HDAC9: variants seen among roughly 807,000 people sequenced by gnomAD.
HDAC9 encodes histone deacetylase 9.
A neutral mutation model predicts 139.4 loss-of-function variants in HDAC9; 41 were observed. The observed-to-expected ratio is 0.29, with a 90% confidence interval of 0.23 to 0.38. The LOEUF (loss-of-function observed/expected upper bound fraction) is 0.38. Ranked by LOEUF, HDAC9 falls within the 10% of genes least tolerant of loss-of-function variation. The pLI is 1.00. For missense variants in HDAC9, 1,147 were observed against 1,297.0 expected (o/e 0.88, Z 1.78); for synonymous variants, 517 against 476.2 (o/e 1.09, Z -1.12).
intron 1 of HDAC9, among the ~76,000 whole-genome samples, chr7:18,472,413 C>T (rs1178353792): frequency 6.6e-6 from 1 of 152,054 alleles, no homozygotes; most frequent in Non-Finnish European, 1.5e-5. Context: ...AATTTATGTC[C>T]CCATCTCCCA....
chr7:18,799,584 T>C (rs749066177), intron 17 of HDAC9, among the ~76,000 whole-genome samples: 7 of 152,168 alleles, frequency 4.6e-5, no homozygotes, highest in Non-Finnish European at 1.0e-4. Flanking sequence ...GACACAGACA[T>C]TGTTAAAATA....
At chr7:18,171,129 T>C (rs967055125) in intron 2 of HDAC9, among the ~76,000 whole-genome samples, 2 of 152,214 alleles carry the variant, frequency 1.3e-5, no homozygotes, top group Non-Finnish European at 2.9e-5. Flanking sequence ...CATTGAGCAG[T>C]GGTTTGTAGT....
At chr7:18,955,554 C>G (rs146547519) in intron 24 of HDAC9, among the ~76,000 whole-genome samples, 49 of 152,224 alleles carry the variant, frequency 3.2e-4, no homozygotes, top group African/African-American at 1.0e-3. Flanking sequence ...GAGCATATCA[C>G]TTCAATAGGC....
At position 18,320,252 on chromosome 7, in the gene HDAC9, A is replaced by G. The variant is rs141046475; in HGVS notation, c.-42+29737A>G. Reference sequence around the variant, plus strand: ...TTGATCAGATACTTGATTGTACTGTATTTTTCTCCCTTCCTGTACTCTGTG... The same window carrying G: ...TTGATCAGATACTTGATTGTACTGTGTTTTTCTCCCTTCCTGTACTCTGTG... On this transcript the variant is annotated intron_variant, in intron 1 of 3. Coordinates refer to the HDAC9 transcript ENST00000413509. Among the ~76,000 whole-genome samples the G allele has an allele frequency of 3.1e-4, 47 of 152,210 alleles. 1 individual carries two copies. The East Asian group carries it at 8.3e-3, about 27-fold the overall frequency.
intron 1 of HDAC9, among the ~76,000 whole-genome samples, chr7:18,367,071 C>T (rs193198377): frequency 2.8e-3 from 424 of 152,106 alleles, no homozygotes; most frequent in Non-Finnish European, 4.6e-3. Flanking sequence ...TCAGAATATA[C>T]ATCAAAATAA....
rs534912694 is a variant in HDAC9, at chr7:19,001,963, A to G, written c.*5901A>G. The G allele has an allele frequency of 1.3e-5, 2 of 152,246 alleles. No homozygotes were observed. Among genetic ancestry groups the G allele is most frequent in the African/African-American group, 4.8e-5 (2 of 41,576 alleles). The allele number at this position is 152,246 out of a possible 1,614,324, so 9.4% of individuals were successfully genotyped here. A position where few individuals can be genotyped will look rare whatever the true frequency, so the allele number is the denominator to read the frequency against. On this transcript the variant is annotated 3_prime_UTR_variant, in exon 26 of 26. Transcript: ENST00000686413. ...TAGCCTAGAATTTTTGGCTTAGTGT[A>G]AAATAAAAATGTCTTTTCTATTGTG...
intron 24 of HDAC9, among the ~76,000 whole-genome samples, chr7:18,959,893 A>G (rs1383785079): frequency 6.6e-6 from 1 of 152,162 alleles, no homozygotes; most frequent in Non-Finnish European, 1.5e-5. Context: ...AGGAATGGAC[A>G]GTGCCTGCAA....
chr7:18,550,981 T>C (rs1816934293), intron 2 of HDAC9, among the ~76,000 whole-genome samples: 2 of 152,200 alleles, frequency 1.3e-5, no homozygotes, highest in South Asian at 2.1e-4. Context: ...TCTATACTCT[T>C]AGCTGTGAAG....
intron 2 of HDAC9, among the ~76,000 whole-genome samples, chr7:18,169,246 A>AT (rs1311778625): frequency 6.6e-6 from 1 of 151,930 alleles, no homozygotes; most frequent in Non-Finnish European, 1.5e-5. Flanking sequence ...CTGCAAAAGT[A>AT]TTTTTTATGA....
At chr7:18,354,787 GGGAAATGCCCTTCAGAA>G (rs1783124580) in intron 1 of HDAC9, among the ~76,000 whole-genome samples, 1 of 152,130 alleles carries the variant, frequency 6.6e-6, no homozygotes, top group South Asian at 2.1e-4. Flanking sequence ...GATGTGGTGA[GGGAAATGCCCTTCAGAA>G]GGATCTAAAA....
chr7:18,873,325 T>C (rs1799073722), intron 21 of HDAC9, among the ~76,000 whole-genome samples: 2 of 152,186 alleles, frequency 1.3e-5, no homozygotes, highest in South Asian at 2.1e-4. Context: ...TGGAAGTCAC[T>C]TACATGTGTA....
intron 1 of HDAC9, among the ~76,000 whole-genome samples, chr7:18,389,958 C>T (rs1166402818): frequency 1.3e-5 from 2 of 151,774 alleles, no homozygotes; most frequent in Admixed American, 1.3e-4. Flanking sequence ...ACATGACTAA[C>T]ATGTTCTCCA....
intron 2 of HDAC9, among the ~76,000 whole-genome samples, chr7:18,261,545 A>G (rs959467237): frequency 1.3e-5 from 2 of 152,204 alleles, no homozygotes; most frequent in Non-Finnish European, 2.9e-5. Context: ...CTGTGAGAAT[A>G]ATGGGAAGGG....
chr7:18,751,525 C>CCATATTAGCG (rs1442651084), intron 14 of HDAC9, among the ~76,000 whole-genome samples: 1 of 151,936 alleles, frequency 6.6e-6, no homozygotes, highest in Admixed American at 6.6e-5. Context: ...ATCAAAACAC[C>CCATATTAGCG]CATATTAGCG....
chr7:18,647,309 C>T (rs1355311569), intron 9 of HDAC9, among the ~76,000 whole-genome samples: 1 of 152,098 alleles, frequency 6.6e-6, no homozygotes, highest in Non-Finnish European at 1.5e-5. Context: ...TGGTTTACAA[C>T]ATAATGATTT....
intron 1 of HDAC9, among the ~76,000 whole-genome samples, chr7:18,097,983 T>C (rs1190300207): frequency 2.0e-5 from 3 of 152,234 alleles, no homozygotes; most frequent in African/African-American, 7.2e-5. Context: ...TTCAAATTTA[T>C]TATAATCTGA....
intron 2 of HDAC9, among the ~76,000 whole-genome samples, chr7:18,216,737 G>A (rs561819249): frequency 1.3e-5 from 2 of 152,256 alleles, no homozygotes; most frequent in Admixed American, 1.3e-4. Flanking sequence ...GGTTTGGAAT[G>A]TATTTCATCT....
At chr7:18,598,010 T>G (rs965738298) in intron 6 of HDAC9, among the ~76,000 whole-genome samples, 6 of 152,208 alleles carry the variant, frequency 3.9e-5, no homozygotes, top group Non-Finnish European at 8.8e-5. Flanking sequence ...ATTAGATATG[T>G]AGCTTTATAA....
rs187896103 is a variant in HDAC9, at chr7:18,832,979, G to C, written c.2467-2488G>C. On this transcript the variant is annotated intron_variant, in intron 19 of 25. Transcript: ENST00000686413. ...TCGAATTCCCAACCTCAGGTGATCTGCCCACCTCGGCCTCCCAAAGTGCTG... is the reference window on the plus strand; with the variant it reads ...TCGAATTCCCAACCTCAGGTGATCTCCCCACCTCGGCCTCCCAAAGTGCTG... Among the ~76,000 whole-genome samples the C allele has an allele frequency of 2.0e-5, 3 of 151,958 alleles. No individual in the cohort carries two copies. In the East Asian group the frequency reaches 5.8e-4, roughly 29 times the overall value.
Sources: gnomAD v4.1 joint callset for allele counts (sites outside exome capture counted in the v4.1 genomes callset) on GRCh38, gnomAD v4.1.1 for gene constraint, MANE v1.5 for transcripts, NCBI Gene and HGNC (gene_info 2026-07-23, HGNC 2026-07-21) for gene names.